PDIA5: variants seen among roughly 807,000 people sequenced by gnomAD.
PDIA5 encodes the protein protein disulfide isomerase family A member 5.
A neutral mutation model predicts 77.6 loss-of-function variants in PDIA5; 58 were observed. The observed-to-expected ratio is 0.75, with a 90% CI of 0.61 to 0.93. The LOEUF is 0.93. PDIA5 is among the 40% of genes least tolerant of loss of function. PDIA5 has a pLI of 0.00. For missense variants in PDIA5, 630 were observed against 647.7 expected (o/e 0.97, Z 0.30); for synonymous variants, 250 against 252.1 (o/e 0.99, Z 0.08).
intron 1 of PDIA5, among the ~76,000 whole-genome samples, chr3:123,074,783 A>G (rs1243361652): frequency 2.0e-5 from 3 of 152,216 alleles, no homozygotes; most frequent in African/African-American, 7.2e-5. Flanking sequence ...GCTAAATTTC[A>G]GTTAGAGGTT....
At chr3:123,160,258 C>T (rs1041811706) in intron 15 of PDIA5, among the ~76,000 whole-genome samples, 3 of 152,194 alleles carry the variant, frequency 2.0e-5, no homozygotes, top group Non-Finnish European at 1.5e-5. Context: ...CCTTCTCGGG[C>T]TTCCCTGGTG....
intron 1 of PDIA5, among the ~76,000 whole-genome samples, chr3:123,075,675 A>G (rs1382318746): frequency 1.3e-5 from 2 of 152,026 alleles, no homozygotes; most frequent in Non-Finnish European, 2.9e-5. Flanking sequence ...GAGGGGAGTG[A>G]TATGGGGTCC....
intron 7 of PDIA5, among the ~76,000 whole-genome samples, chr3:123,112,937 G>A (rs1350466675): frequency 6.6e-6 from 1 of 152,196 alleles, no homozygotes; most frequent in East Asian, 1.9e-4. Flanking sequence ...CCCCAGGGCT[G>A]TGCTTACCTT....
At chr3:123,145,147 C>T (rs1935737954) in intron 11 of PDIA5, 1 of 178,996 alleles carries the variant, frequency 5.6e-6, no homozygotes, top group Admixed American at 6.1e-5. Flanking sequence ...GCTCTGTGAC[C>T]ATGGCTGTGT....
chr3:123,074,283 T>G (rs1296842010), intron 1 of PDIA5, among the ~76,000 whole-genome samples: 1 of 152,248 alleles, frequency 6.6e-6, no homozygotes, highest in Admixed American at 6.5e-5. Context: ...AGCCACTGAT[T>G]AATTATTTAA....
At chr3:123,154,430 TG>T (rs1935974467) in intron 14 of PDIA5, among the ~76,000 whole-genome samples, 1 of 152,166 alleles carries the variant, frequency 6.6e-6, no homozygotes, top group African/African-American at 2.4e-5. Flanking sequence ...CTGATTTGGC[TG>T]CTCACAGTCT....
chr3:123,089,015 G>A (rs1934213629), intron 1 of PDIA5, 153 bp from the exon 2 acceptor site: 2 of 653,448 alleles, frequency 3.1e-6, no homozygotes, highest in African/African-American at 3.6e-5. Context: ...AGTGTCCCTA[G>A]AGGTGAAGAA....
intron 1 of PDIA5, among the ~76,000 whole-genome samples, chr3:123,080,511 G>T (rs909146438): frequency 6.6e-6 from 1 of 152,186 alleles, no homozygotes; most frequent in Non-Finnish European, 1.5e-5. Flanking sequence ...TCTTTCATTT[G>T]TGAATAGCTG....
At chr3:123,084,586 C>A (rs1037077578) in intron 1 of PDIA5, among the ~76,000 whole-genome samples, 3 of 152,086 alleles carry the variant, frequency 2.0e-5, no homozygotes, top group African/African-American at 7.2e-5. Context: ...GTATTTGATG[C>A]CTCACTGTCT....
chr3:123,084,173 G>A (rs532569291), intron 1 of PDIA5, among the ~76,000 whole-genome samples: 17 of 152,130 alleles, frequency 1.1e-4, no homozygotes, highest in African/African-American at 4.1e-4. Flanking sequence ...ACTAACGCCC[G>A]CACGCCCCCA....
intron 1 of PDIA5, among the ~76,000 whole-genome samples, chr3:123,071,495 A>T (rs1458455662): frequency 6.6e-6 from 1 of 152,196 alleles, no homozygotes; most frequent in Non-Finnish European, 1.5e-5. Context: ...TATATATTTA[A>T]TAGGCTTTTG....
Position 123,128,770 on chromosome 3 carries a change from C to G in PDIA5, c.774-1710C>G, listed in dbSNP as rs900152027. On this transcript the variant is annotated intron_variant, in intron 10 of 16. Coordinates refer to ENST00000316218, the MANE Select transcript of PDIA5 (RefSeq NM_006810.4). ...GCTTAAAAAGAATACATTCAAAAGT[C>G]TCGCTTTCACTTCTTTCCTCCTTAT... Among the ~76,000 whole-genome samples the G allele has an allele frequency of 1.2e-4, 19 of 152,176 alleles. 1 individual carries two copies. Among genetic ancestry groups the G allele is most frequent in the Admixed American group, 5.9e-4 (9 of 15,274 alleles).
intron 1 of PDIA5, among the ~76,000 whole-genome samples, chr3:123,070,303 G>A (rs1367317233): frequency 1.3e-5 from 2 of 152,190 alleles, no homozygotes; most frequent in Admixed American, 6.6e-5. Flanking sequence ...GAAGTTACAT[G>A]TATGAAGAAT....
intron 6 of PDIA5, among the ~76,000 whole-genome samples, chr3:123,108,873 G>A (rs1221412249): frequency 2.0e-5 from 3 of 150,174 alleles, no homozygotes; most frequent in African/African-American, 5.0e-5. Context: ...GTGACAGGGC[G>A]AGACTCCTTC....
chr3:123,151,690 G>T (rs1200061932), intron 14 of PDIA5, among the ~76,000 whole-genome samples: 1 of 152,032 alleles, frequency 6.6e-6, no homozygotes, highest in Admixed American at 6.5e-5. Context: ...ATCTGGGAGA[G>T]ACTCTTACCC....
intron 8 of PDIA5, 110 bp downstream of exon 8, chr3:123,116,408 C>A: frequency 1.2e-6 from 1 of 814,462 alleles, no homozygotes; most frequent in Non-Finnish European, 2.0e-6. Flanking sequence ...GATGACTGAC[C>A]CTGCTGCCTG....
In PDIA5 at chr3:123,067,182, G is replaced by A; in HGVS notation, c.18G>A (p.Pro6=). Residue 6 remains proline, a synonymous_variant, in exon 1 of 17, where the codon CCG becomes CCA. Coordinates refer to ENST00000316218, the MANE Select transcript of PDIA5 (RefSeq NM_006810.4). MARAG[P]AWLLLAIWVV... is the part of the protein sequence containing the mutation. ...CTGCTGGGATGGCGCGGGCCGGGCC[G>A]GCGTGGCTGCTGCTGGCAATCTGGG... 2.4e-6 allele frequency: 3 copies of A among 1,247,030 alleles called. No homozygotes were observed. The highest frequency in any genetic ancestry group is 4.2e-5 in the Admixed American group (1 of 23,716). The allele number at this position is 1,247,030 out of a possible 1,614,324, so 77.2% of individuals were successfully genotyped here.
rs189795640 is a variant in PDIA5, at chr3:123,081,707, A to G, written c.43-7461A>G. Among the ~76,000 whole-genome samples the G allele has an allele frequency of 3.1e-3, 479 of 152,320 alleles. 3 individuals carry two copies. The highest frequency in any genetic ancestry group is 0.01 in the Middle Eastern group (3 of 294). ...TCCTCCGTTAGCAAGCTGCTTTTAC[A>G]TAATTGAATATCTCTGGCTTCATGG... On this transcript the variant is annotated intron_variant, in intron 1 of 16. Coordinates refer to ENST00000316218, the MANE Select transcript of PDIA5 (RefSeq NM_006810.4).
Position 123,154,626 on chromosome 3 carries a change from G to A in PDIA5, c.1274-345G>A, listed in dbSNP as rs115705362. On this transcript the variant is annotated intron_variant, in intron 14 of 16. Coordinates refer to ENST00000316218, the MANE Select transcript of PDIA5 (RefSeq NM_006810.4). Reference sequence around the variant, plus strand: ...AGATTGTAGCGGCTCTGAGAATCCCGTGCCTTCCTCTTTAAGCCCAAAGCT... The same window carrying A: ...AGATTGTAGCGGCTCTGAGAATCCCATGCCTTCCTCTTTAAGCCCAAAGCT... 4.8e-3 allele frequency among the ~76,000 whole-genome samples: 729 copies of A among 152,196 alleles called. 7 individuals are homozygous for A. The highest frequency in any genetic ancestry group is 0.017 in the African/African-American group (703 of 41,512).
Sources: allele counts gnomAD v4.1 joint callset (sites outside exome capture counted in the v4.1 genomes callset), GRCh38; gene constraint gnomAD v4.1.1; transcripts MANE v1.5; gene names NCBI Gene and HGNC (gene_info 2026-07-23, HGNC 2026-07-21).